The following SMARCC1 variants were observed in gnomAD, a reference collection of about 807,000 sequenced individuals.
SMARCC1 encodes the protein SWI/SNF complex subunit SMARCC1.
In SMARCC1, 43 loss-of-function variants were observed where a neutral mutation model predicts 147.4. That is an observed-to-expected ratio of 0.29 (90% confidence interval 0.23 to 0.38). The LOEUF (loss-of-function observed/expected upper bound fraction) is 0.38. SMARCC1 is among the 10% of genes least tolerant of loss of function. The pLI is 1.00. For synonymous variants in SMARCC1, 495 were observed against 484.4 expected (o/e 1.02, Z -0.29); for missense variants, 1,119 against 1,381.1 (o/e 0.81, Z 3.01).
intron 19 of SMARCC1, among the ~76,000 whole-genome samples, chr3:47,670,165 A>G (rs1488459025): frequency 3.9e-4 from 60 of 152,230 alleles, no homozygotes; most frequent in Non-Finnish European, 3.7e-4. Context: ...ATACCTAACT[A>G]CATGGAGACA....
At chr3:47,776,989 G>C (rs2034981904) in intron 1 of SMARCC1, among the ~76,000 whole-genome samples, 1 of 151,940 alleles carries the variant, frequency 6.6e-6, no homozygotes, top group South Asian at 2.1e-4. Flanking sequence ...GGCCAGGCTG[G>C]TCTCGAACTC....
chr3:47,610,977 A>G (rs1198813241), intron 25 of SMARCC1, among the ~76,000 whole-genome samples: 1 of 152,228 alleles, frequency 6.6e-6, no homozygotes. Flanking sequence ...TTGCCTATAA[A>G]AAAATTTGCA....
At chr3:47,670,598 CAAAAT>C (rs1332908107) in intron 19 of SMARCC1, 55 bp downstream of exon 19, 1 of 1,110,238 alleles carries the variant, frequency 9.0e-7, no homozygotes, top group African/African-American at 1.5e-5. Context: ...TAAAACAAAA[CAAAAT>C]AAAATGCTAG....
chr3:47,616,929 G>A (rs1014697435), intron 25 of SMARCC1, among the ~76,000 whole-genome samples: 1 of 152,146 alleles, frequency 6.6e-6, no homozygotes, highest in Non-Finnish European at 1.5e-5. Context: ...TAAAGCTACT[G>A]CTTACTAGGT....
intron 2 of SMARCC1, among the ~76,000 whole-genome samples, chr3:47,754,476 C>G (rs1020551461): frequency 2.0e-5 from 3 of 152,084 alleles, no homozygotes; most frequent in Non-Finnish European, 4.4e-5. Flanking sequence ...GTTGGGATTA[C>G]AGGTGTGAGC....
chr3:47,738,154 A>C (rs1326508258), intron 3 of SMARCC1, 44 bp from the exon 4 acceptor site: 2 of 1,329,788 alleles, frequency 1.5e-6, no homozygotes, highest in Non-Finnish European at 2.1e-6. Flanking sequence ...TCCCAGCTTA[A>C]ACACAAATGA....
At chr3:47,635,972 TG>T (rs758595216) in intron 23 of SMARCC1, 49 bp downstream of exon 23, 31 of 872,610 alleles carry the variant, frequency 3.6e-5, no homozygotes, top group Non-Finnish European at 5.6e-5. Flanking sequence ...ATTTCTCCAG[TG>T]CCTTTTACAG....
intron 25 of SMARCC1, among the ~76,000 whole-genome samples, chr3:47,611,412 T>A (rs2032562457): frequency 6.6e-6 from 1 of 152,190 alleles, no homozygotes. Context: ...GAAGACTTAA[T>A]ATGAAAAATT....
chr3:47,690,299 T>G (rs1459136095), intron 12 of SMARCC1, among the ~76,000 whole-genome samples: 1 of 152,158 alleles, frequency 6.6e-6, no homozygotes. Flanking sequence ...AAACAGAAAT[T>G]TATCAGATTT....
intron 2 of SMARCC1, among the ~76,000 whole-genome samples, chr3:47,769,037 C>T (rs1366566336): frequency 1.3e-5 from 2 of 151,308 alleles, no homozygotes; most frequent in East Asian, 3.9e-4. Context: ...CTGGTGAAAC[C>T]TTGTCTCTAC....
chr3:47,589,050 A>G (rs998308432), intron 27 of SMARCC1, among the ~76,000 whole-genome samples: 3 of 152,218 alleles, frequency 2.0e-5, no homozygotes, highest in African/African-American at 7.2e-5. Flanking sequence ...AATAAAGTGC[A>G]GCATTGCTCA....
intron 19 of SMARCC1, among the ~76,000 whole-genome samples, chr3:47,670,130 A>T (rs1449344183): frequency 1.3e-5 from 2 of 152,256 alleles, no homozygotes; most frequent in Non-Finnish European, 2.9e-5. Context: ...ATGAATCTAT[A>T]AAAATTATCA....
intron 6 of SMARCC1, among the ~76,000 whole-genome samples, chr3:47,728,078 C>CTTTTTTTTT (rs1166964500): frequency 8.8e-5 from 5 of 56,860 alleles, no homozygotes; most frequent in Non-Finnish European, 1.5e-4. Context: ...TTATTAGTCC[C>CTTTTTTTTT]TTTTTTTTTT....
At chr3:47,761,815 T>C (rs1337854302) in intron 2 of SMARCC1, among the ~76,000 whole-genome samples, 1 of 152,194 alleles carries the variant, frequency 6.6e-6, no homozygotes, top group East Asian at 1.9e-4. Context: ...CCTATTTCAT[T>C]TTTTTCTTTT....
At chr3:47,719,266 T>C (rs776769865) in intron 7 of SMARCC1, among the ~76,000 whole-genome samples, 3 of 152,190 alleles carry the variant, frequency 2.0e-5, no homozygotes, top group East Asian at 1.9e-4. Context: ...TTATTCATAC[T>C]GTAGATACTG....
At chr3:47,753,947 T>C (rs145652654) in intron 2 of SMARCC1, among the ~76,000 whole-genome samples, 142 of 152,086 alleles carry the variant, frequency 9.3e-4, no homozygotes, top group African/African-American at 3.3e-3. Context: ...GAGAAAAAAA[T>C]ACATCATTTA....
chr3:47,728,753 A>G (rs1455721576), intron 6 of SMARCC1, among the ~76,000 whole-genome samples: 1 of 152,118 alleles, frequency 6.6e-6, no homozygotes, highest in Non-Finnish European at 1.5e-5. Flanking sequence ...TACTAAAAAT[A>G]CAAATATTAC....
intron 21 of SMARCC1, among the ~76,000 whole-genome samples, chr3:47,648,093 C>G (rs1480450423): frequency 6.6e-6 from 1 of 152,098 alleles, no homozygotes; most frequent in Non-Finnish European, 1.5e-5. Context: ...CTCCTGGGTT[C>G]AAGTGATTCT....
At chr3:47,731,192 G>A (rs1190166775) in intron 5 of SMARCC1, among the ~76,000 whole-genome samples, 1 of 152,148 alleles carries the variant, frequency 6.6e-6, no homozygotes, top group Non-Finnish European at 1.5e-5. Context: ...CGTTAACAGC[G>A]ACTGTGCCAG....
Sources: allele counts gnomAD v4.1 joint callset (sites outside exome capture counted in the v4.1 genomes callset), GRCh38; gene constraint gnomAD v4.1.1; transcripts MANE v1.5; gene names NCBI Gene and HGNC (gene_info 2026-07-23, HGNC 2026-07-21).